The following FTO variants were observed in gnomAD, a reference collection of about 807,000 sequenced individuals.
FTO encodes FTO alpha-ketoglutarate dependent dioxygenase, also known as alpha-ketoglutarate-dependent dioxygenase FTO.
FTO carries 47 observed loss-of-function variants against 63.9 expected under a neutral mutation model. The ratio of observed to expected loss-of-function variants is 0.74; its 90% CI spans 0.58 to 0.94. The LOEUF is 0.94. Among genes scored for constraint, FTO ranks in the 40% least tolerant of loss-of-function variants. FTO has a pLI of 0.00. For synonymous variants in FTO, 207 were observed against 224.4 expected, an observed-to-expected ratio of 0.92 and a Z score of 0.69; for missense variants, 562 against 618.1, an observed-to-expected ratio of 0.91 and a Z score of 0.96.
At chr16:53,742,966 C>G (rs1406602858) in intron 1 of FTO, among the ~76,000 whole-genome samples, 1 of 152,256 alleles carries the variant, frequency 6.6e-6, no homozygotes, top group East Asian at 1.9e-4. Flanking sequence ...CTTCTGATTA[C>G]TCCAGTGTGC....
chr16:53,741,083 A>G (rs2076518155), intron 1 of FTO, among the ~76,000 whole-genome samples: 1 of 152,244 alleles, frequency 6.6e-6, no homozygotes, highest in African/African-American at 2.4e-5. Flanking sequence ...GAAAATTGAT[A>G]TGAAATTTAA....
At chr16:53,907,307 A>G (rs980679623) in intron 7 of FTO, among the ~76,000 whole-genome samples, 3 of 152,208 alleles carry the variant, frequency 2.0e-5, no homozygotes, top group Non-Finnish European at 4.4e-5. Flanking sequence ...ATCATCTAAG[A>G]CACAGCCTAT....
At chr16:53,719,631 TG>T (rs916038339) in intron 1 of FTO, among the ~76,000 whole-genome samples, 10 of 145,636 alleles carry the variant, frequency 6.9e-5, no homozygotes, top group African/African-American at 2.4e-4. Context: ...GCTGGTAGTC[TG>T]TTTTTTTTTT....
chr16:53,963,196 T>C (rs1480054089), intron 8 of FTO, among the ~76,000 whole-genome samples: 1 of 152,196 alleles, frequency 6.6e-6, no homozygotes, highest in African/African-American at 2.4e-5. Flanking sequence ...TAAAAGTTGC[T>C]GTATAATAGC....
intron 8 of FTO, among the ~76,000 whole-genome samples, chr16:53,984,287 A>C (rs550238713): frequency 7.6e-6 from 1 of 131,432 alleles, no homozygotes; most frequent in Non-Finnish European, 1.6e-5. Context: ...CAAAGTAATT[A>C]CTTTCCCTCC....
intron 4 of FTO, among the ~76,000 whole-genome samples, chr16:53,850,424 C>G (rs1239833704): frequency 6.6e-6 from 1 of 151,812 alleles, no homozygotes; most frequent in Non-Finnish European, 1.5e-5. Flanking sequence ...CATTTTCAAG[C>G]TTGTGCTTTT....
intron 8 of FTO, among the ~76,000 whole-genome samples, chr16:54,056,761 T>G (rs1044863751): frequency 6.6e-6 from 1 of 152,212 alleles, no homozygotes; most frequent in East Asian, 1.9e-4. Context: ...TGCATTCTTA[T>G]GAGAAACCCT....
intron 8 of FTO, among the ~76,000 whole-genome samples, chr16:54,012,561 G>A (rs2084354927): frequency 6.6e-6 from 1 of 152,174 alleles, no homozygotes; most frequent in Non-Finnish European, 1.5e-5. Context: ...ATGCCATGTA[G>A]CATTTTTATA....
chr16:53,719,685 A>G (rs1415464780), intron 1 of FTO, among the ~76,000 whole-genome samples: 2 of 122,166 alleles, frequency 1.6e-5, no homozygotes, highest in Non-Finnish European at 1.7e-5. Flanking sequence ...GCTCTAATTC[A>G]TTAATTTCTA....
At chr16:53,815,636 GTTTTTTTTTTT>G (rs556357629) in intron 2 of FTO, among the ~76,000 whole-genome samples, 13 of 98,158 alleles carry the variant, frequency 1.3e-4, no homozygotes, top group East Asian at 1.2e-3. Flanking sequence ...TGACTTTCTT[GTTTTTTTTTTT>G]TTTTTTTTTT....
intron 8 of FTO, among the ~76,000 whole-genome samples, chr16:54,085,910 T>C (rs2086245640): frequency 6.6e-6 from 1 of 152,196 alleles, no homozygotes. Context: ...GGACAAATGA[T>C]GCCTTCAGCT....
intron 8 of FTO, among the ~76,000 whole-genome samples, chr16:54,078,359 T>C (rs995259810): frequency 1.4e-5 from 2 of 147,416 alleles, no homozygotes; most frequent in Non-Finnish European, 3.0e-5. Flanking sequence ...TTATATATAA[T>C]ATTCTAAATA....
chr16:53,883,477 C>A (rs2080898368), intron 6 of FTO, among the ~76,000 whole-genome samples: 1 of 151,954 alleles, frequency 6.6e-6, no homozygotes, highest in Non-Finnish European at 1.5e-5. Flanking sequence ...AAAAAGTTAG[C>A]CAGGTGTGGT....
chr16:54,119,066 C>T lies in FTO; in HGVS notation c.*7151C>T, dbSNP rs1376344069. The T allele has an allele frequency of 2.0e-5, 3 of 152,174 alleles. No homozygotes were observed. Among genetic ancestry groups the T allele is most frequent in the Admixed American group, 2.0e-4 (3 of 15,280 alleles). 9.4% of individuals were successfully genotyped at this position (152,174 alleles called of 1,614,324 possible). A position where few individuals can be genotyped will look rare whatever the true frequency, so the allele number is the denominator to read the frequency against. On this transcript the variant is annotated 3_prime_UTR_variant, in exon 9 of 9. Transcript: ENST00000471389. ...TGCCAGGGCTTGGAGAAATAGAAAC[C>T]TCTCTTGCACAAGAATAGTCTCAAT...
intron 7 of FTO, among the ~76,000 whole-genome samples, chr16:53,930,814 A>G (rs143922846): frequency 0.013 from 1,978 of 152,330 alleles, 49 homozygotes; most frequent in Admixed American, 0.052. Context: ...TTGTGAAGTG[A>G]AGAGCTCCTT....
chr16:54,112,023 G>A lies in FTO; in HGVS notation c.*108G>A, dbSNP rs753447446. ...GGAGACTTCTCTTGGCCCCTAGATT[G>A]TAGCACCCGGGTCCCAATCCAAAAC... is the stretch of plus-strand genomic sequence containing the variant. On this transcript the variant is annotated 3_prime_UTR_variant, in exon 9 of 9. Transcript: ENST00000471389. 5.0e-6 allele frequency: 6 copies of A among 1,210,824 alleles called. No individual in the cohort carries two copies. In the South Asian group the frequency reaches 7.3e-5, roughly 15 times the overall value. 75.0% of individuals were successfully genotyped at this position (1,210,824 alleles called of 1,614,324 possible). A position where few individuals can be genotyped will look rare whatever the true frequency, so the allele number is the denominator to read the frequency against.
At chr16:53,786,155 G>A (rs1203614399) in intron 1 of FTO, among the ~76,000 whole-genome samples, 1 of 152,126 alleles carries the variant, frequency 6.6e-6, no homozygotes, top group African/African-American at 2.4e-5. Flanking sequence ...AGAGGCTTGT[G>A]TGAGAAAGTT....
At chr16:54,049,571 G>T (rs1567539372) in intron 8 of FTO, among the ~76,000 whole-genome samples, 1 of 152,218 alleles carries the variant, frequency 6.6e-6, no homozygotes, top group Non-Finnish European at 1.5e-5. Context: ...AGCTCCTGCT[G>T]GTGGGAGGGC....
chr16:54,099,907 A>G (rs1488994244), intron 8 of FTO, among the ~76,000 whole-genome samples: 1 of 152,104 alleles, frequency 6.6e-6, no homozygotes, highest in Non-Finnish European at 1.5e-5. Context: ...TCTGAAATGG[A>G]GCTGAATTGA....
Sources: gnomAD v4.1 joint callset for allele counts (sites outside exome capture counted in the v4.1 genomes callset) on GRCh38, gnomAD v4.1.1 for gene constraint, MANE v1.5 for transcripts, NCBI Gene and HGNC (gene_info 2026-07-23, HGNC 2026-07-21) for gene names.